ECD: variants seen among roughly 807,000 people sequenced by gnomAD.
The protein encoded by ECD is protein ecdysoneless homolog.
Under a neutral mutation model 77.2 loss-of-function variants are expected in ECD, and 59 were observed. The observed-to-expected ratio is 0.76, with a 90% confidence interval of 0.62 to 0.95. ECD has a LOEUF of 0.95. Ranked by LOEUF, ECD falls within the 40% of genes least tolerant of loss-of-function variation. The pLI is 0.00. For missense variants in ECD, 704 were observed against 763.4 expected (o/e 0.92, Z 0.92); for synonymous variants, 233 against 267.4 (o/e 0.87, Z 1.26).
At chr10:73,153,883 T>A (rs1455287418) in intron 6 of ECD, among the ~76,000 whole-genome samples, 2 of 152,130 alleles carry the variant, frequency 1.3e-5, no homozygotes, top group Non-Finnish European at 2.9e-5. Context: ...AGTTTGAGCA[T>A]CCCAAATGTA....
intron 9 of ECD, among the ~76,000 whole-genome samples, chr10:73,144,841 C>G (rs1843103202): frequency 6.6e-6 from 1 of 152,038 alleles, no homozygotes; most frequent in Non-Finnish European, 1.5e-5. Context: ...GGTAGCACAA[C>G]AGGGTGACTA....
chr10:73,146,606 A>C (rs1324488448), intron 8 of ECD, among the ~76,000 whole-genome samples: 1 of 152,180 alleles, frequency 6.6e-6, no homozygotes, highest in Admixed American at 6.6e-5. Context: ...TCCAGTTTGG[A>C]AAGTTTTCCA....
chr10:73,135,974 A>G (rs930307617), intron 13 of ECD, among the ~76,000 whole-genome samples: 1 of 152,180 alleles, frequency 6.6e-6, no homozygotes, highest in African/African-American at 2.4e-5. Flanking sequence ...GAGAATTAAC[A>G]TTAATTAAAG....
chr10:73,139,583 T>C (rs1161209460), intron 10 of ECD, 48 bp downstream of exon 10: 2 of 1,583,620 alleles, frequency 1.3e-6, no homozygotes, highest in African/African-American at 1.4e-5. Flanking sequence ...TAGAACATTT[T>C]AATTTTTTTT....
In ECD at chr10:73,142,151, G is replaced by A. The variant is rs182230639; in HGVS notation, c.1128-2414C>T. Among the ~76,000 whole-genome samples, 138 of 151,890 alleles carry A rather than the reference G, an allele frequency of 9.1e-4. 1 individual carries two copies. The highest frequency in any genetic ancestry group is 3.4e-3 in the Middle Eastern group (1 of 294). ...TTAATTTGAGTAGCTGGGATTACAG[G>A]TGCCCACCACCTCATCCGGCTAATT... On this transcript the variant is annotated intron_variant, in intron 9 of 13. Coordinates refer to ENST00000372979, the MANE Select transcript of ECD (RefSeq NM_007265.3).
At chr10:73,144,495 A>C (rs1843099015) in intron 9 of ECD, among the ~76,000 whole-genome samples, 1 of 152,146 alleles carries the variant, frequency 6.6e-6, no homozygotes, top group South Asian at 2.1e-4. Flanking sequence ...ATCTCAAATA[A>C]TAATAATAAT....
chr10:73,136,938 G>A lies in ECD; in HGVS notation c.1490-20C>T, dbSNP rs968870151. On this transcript the variant is annotated intron_variant, in intron 12 of 13. Transcript: ENST00000372979. ...TTGGCCCTACACAGATCCCAAGAAA[G>A]AAAGAGCCACTTAGTAATTATTATT... 4 of 1,367,936 alleles carry A rather than the reference G, an allele frequency of 2.9e-6. No homozygotes were observed. Among genetic ancestry groups the A allele is most frequent in the Non-Finnish European group, 3.9e-6 (4 of 1,029,028 alleles). 84.7% of individuals were successfully genotyped at this position (1,367,936 alleles called of 1,614,324 possible).
At chr10:73,135,607 G>A (rs1374734366) in intron 13 of ECD, among the ~76,000 whole-genome samples, 1 of 151,934 alleles carries the variant, frequency 6.6e-6, no homozygotes, top group Non-Finnish European at 1.5e-5. Context: ...TGTAGTCCCA[G>A]CTACTTGGGA....
chr10:73,134,984 T>C lies in ECD; in HGVS notation c.1705-171A>G, dbSNP rs544243304. On this transcript the variant is annotated intron_variant, in intron 13 of 13. Transcript: ENST00000372979. ...AATGAAGTCTACAAGTTATATGGCC[T>C]AGCACACATAATAAAACTTGGTTCT... Among the ~76,000 whole-genome samples, 388 of 152,322 alleles carry C rather than the reference T, an allele frequency of 2.5e-3. 1 individual carries two copies. The highest frequency in any genetic ancestry group is 8.8e-3 in the Admixed American group (135 of 15,294).
rs188586367 is a variant in ECD at position 73,163,889 on chromosome 10, A to G, written c.49T>C (p.Cys17Arg). The G allele has an allele frequency of 1.2e-6, 2 of 1,614,238 alleles. No individual in the cohort carries two copies. Among genetic ancestry groups the G allele is most frequent in the African/African-American group, 2.7e-5 (2 of 75,070 alleles). Residue 17 changes from cysteine to arginine, a missense_variant, in exon 2 of 14, where the codon TGC becomes CGC. Physicochemically the swap from Cys to Arg is radical, Grantham distance 180. Transcript: ENST00000372979. Reference sequence around the variant, plus strand: ...GACTCATCTGGTATCAGGAACAGGCAGTACTCCACTGTGTCTTCCATCGTA... The same window carrying G: ...GACTCATCTGGTATCAGGAACAGGCGGTACTCCACTGTGTCTTCCATCGTA... ...LATMEDTVEY[C>R]LFLIPDESRD...
intron 1 of ECD, among the ~76,000 whole-genome samples, chr10:73,167,222 C>T (rs1443693993): frequency 3.3e-5 from 5 of 152,086 alleles, no homozygotes; most frequent in South Asian, 2.1e-4. Context: ...AATCTGAAGT[C>T]GGGTAATGTG....
rs147181647 is a variant in ECD at position 73,160,463 on chromosome 10, G to T, written c.294C>A (p.Ile98=). The T allele has an allele frequency of 2.5e-6, 4 of 1,603,582 alleles. No individual in the cohort carries two copies. Among genetic ancestry groups the T allele is most frequent in the African/African-American group, 2.7e-5 (2 of 74,544 alleles). The change falls in exon 3 of 14, where the codon ATC becomes ATA. Residue 98 remains isoleucine, a synonymous_variant. Coordinates refer to ENST00000372979, the MANE Select transcript of ECD (RefSeq NM_007265.3). ...CTACTAACTCTGGAAATTCCTTTGT[G>T]ATCTGCTTTATTACATAAACAATAA... ...EWFIVYVIKQ[I]TKEFPELVAR...
chr10:73,153,153 G>A (rs1843237507), intron 6 of ECD, among the ~76,000 whole-genome samples: 1 of 151,876 alleles, frequency 6.6e-6, no homozygotes, highest in Non-Finnish European at 1.5e-5. Context: ...CCTGACCTCA[G>A]GTGATCTGCC....
intron 9 of ECD, among the ~76,000 whole-genome samples, chr10:73,145,748 G>A (rs529605886): frequency 8.7e-4 from 129 of 148,808 alleles, no homozygotes; most frequent in Non-Finnish European, 8.3e-4. Flanking sequence ...GAGTTCAAGC[G>A]ATTCTCCTGC....
In ECD at chr10:73,148,493, C is replaced by T. The variant is rs915372788; in HGVS notation, c.913-89G>A. ...ATTACTTTTTTTCCATTGAGCCACA[C>T]TCTAGAACTAGATGACTGGATACAT... On this transcript the variant is annotated intron_variant, in intron 7 of 13. Coordinates refer to ENST00000372979, the MANE Select transcript of ECD (RefSeq NM_007265.3). 3.5e-6 allele frequency: 5 copies of T among 1,419,170 alleles called. No individual in the cohort carries two copies. The African/African-American group carries it at 5.7e-5, about 16-fold the overall frequency. The allele number at this position is 1,419,170 out of a possible 1,614,324, so 87.9% of individuals were successfully genotyped here.
chr10:73,155,897 C>T (rs534945152), intron 5 of ECD, among the ~76,000 whole-genome samples: 25 of 152,268 alleles, frequency 1.6e-4, no homozygotes, highest in African/African-American at 4.8e-4. Context: ...AGCCATCGCT[C>T]CAGGCCCATG....
chr10:73,158,490 C>T (rs1219467758), intron 3 of ECD, among the ~76,000 whole-genome samples: 2 of 152,036 alleles, frequency 1.3e-5, no homozygotes, highest in Non-Finnish European at 2.9e-5. Flanking sequence ...AATCCCAGCA[C>T]TTTGGGAGGC....
Position 73,148,317 on chromosome 10 carries a change from C to A in ECD, c.1000G>T (p.Ala334Ser). ...TTTTTCAGACTTTCAAGGAAACTGG[C>A]CCAGAGTGGTGAGGCAGTCACAAGG... ...KSLVTASPLW[A>S]SFLESLKKND... is the part of the protein sequence containing the mutation. The change falls in exon 8 of 14, where the codon GCC (alanine) becomes TCC (serine). Residue 334 changes from alanine (A) to serine (S), a missense_variant. Ala to Ser is a moderately conservative substitution (Grantham distance 99). Around this residue, in one of 3 missense-constraint regions of ECD, gnomAD observed 559 missense variants for 583.7 expected, o/e 0.96. Coordinates refer to ENST00000372979, the MANE Select transcript of ECD (RefSeq NM_007265.3). 1.2e-6 allele frequency: 2 copies of A among 1,613,790 alleles called. No homozygotes were observed. Among genetic ancestry groups the A allele is most frequent in the Non-Finnish European group, 8.5e-7 (1 of 1,179,824 alleles).
chr10:73,150,641 T>C (rs1843189824), intron 7 of ECD, among the ~76,000 whole-genome samples: 1 of 152,146 alleles, frequency 6.6e-6, no homozygotes. Flanking sequence ...AAAGGGCTAA[T>C]ATCCAGAATC....
Sources: allele counts gnomAD v4.1 joint callset (sites outside exome capture counted in the v4.1 genomes callset), GRCh38; gene constraint gnomAD v4.1.1; regional missense constraint gnomAD v4.1.1; transcripts MANE v1.5; gene names NCBI Gene and HGNC (gene_info 2026-07-23, HGNC 2026-07-21).